The following CTXND1 variants were observed in gnomAD, a reference collection of about 807,000 sequenced individuals.
CTXND1 encodes cortexin domain-containing 1 protein.
At chr15:80,244,965 C>T (rs377417926) in intron 1 of CTXND1, among the ~76,000 whole-genome samples, 2 of 152,300 alleles carry the variant, frequency 1.3e-5, no homozygotes, top group South Asian at 2.1e-4. Flanking sequence ...GCCCAAATCC[C>T]ATTTATCAGC....
chr15:80,207,786 G>A (rs1228948591), intron 1 of CTXND1, among the ~76,000 whole-genome samples: 1 of 152,186 alleles, frequency 6.6e-6, no homozygotes, highest in Admixed American at 6.5e-5. Flanking sequence ...TTGTAAACAA[G>A]GCTGTGTCTA....
Position 80,205,739 on chromosome 15 carries a change from A to G in CTXND1, c.-217-1999T>C, listed in dbSNP as rs149912516. Among the ~76,000 whole-genome samples the G allele has an allele frequency of 1.4e-4, 22 of 152,128 alleles. No homozygotes were observed. The East Asian group carries it at 4.0e-3, about 28-fold the overall frequency. On this transcript the variant is annotated intron_variant, in intron 1 of 2. Coordinates refer to ENST00000560778, the MANE Select transcript of CTXND1 (RefSeq NM_001352888.2). ...TCCAACTTTTCCACATTCTTTCCCT[A>G]GTCTATAAACCCCCAATTTTAGTCA...
intron 1 of CTXND1, among the ~76,000 whole-genome samples, chr15:80,210,531 C>A (rs532064337): frequency 2.6e-5 from 4 of 152,096 alleles, no homozygotes; most frequent in African/African-American, 9.7e-5. Context: ...CACCTTGTTC[C>A]CCTGGACCTG....
intron 1 of CTXND1, among the ~76,000 whole-genome samples, chr15:80,247,848 G>C (rs981399933): frequency 6.6e-6 from 1 of 152,152 alleles, no homozygotes; most frequent in African/African-American, 2.4e-5. Flanking sequence ...CAGGGAAAGG[G>C]AACATGCTTT....
At chr15:80,246,212 C>A (rs905031371) in intron 1 of CTXND1, among the ~76,000 whole-genome samples, 3 of 152,136 alleles carry the variant, frequency 2.0e-5, no homozygotes, top group African/African-American at 7.2e-5. Context: ...TCTTTGTCTT[C>A]CAAAGAAGCA....
intron 1 of CTXND1, among the ~76,000 whole-genome samples, chr15:80,220,134 CTATCTATCTATCATCT>C (rs1212517501): frequency 4.0e-3 from 451 of 112,210 alleles, no homozygotes; most frequent in East Asian, 0.012. Flanking sequence ...ATCTATCTAT[CTATCTATCTATCATCT>C]ATCTATCTAT....
At chr15:80,229,549 G>A (rs992729524) in intron 1 of CTXND1, among the ~76,000 whole-genome samples, 33 of 152,122 alleles carry the variant, frequency 2.2e-4, no homozygotes, top group African/African-American at 7.7e-4. Context: ...GCAAATTCAC[G>A]CCCTGGCCAC....
At chr15:80,240,052 G>A (rs776402187) in intron 1 of CTXND1, among the ~76,000 whole-genome samples, 3 of 152,126 alleles carry the variant, frequency 2.0e-5, no homozygotes, top group Non-Finnish European at 2.9e-5. Context: ...CGCAACCTCC[G>A]TCTCCCAGGT....
chr15:80,246,119 C>T (rs1893625742), intron 1 of CTXND1, among the ~76,000 whole-genome samples: 2 of 151,998 alleles, frequency 1.3e-5, no homozygotes, highest in African/African-American at 4.8e-5. Context: ...AAAACATTTT[C>T]CTCCCAAAAA....
At chr15:80,247,461 T>C (rs1292679955) in intron 1 of CTXND1, among the ~76,000 whole-genome samples, 2 of 151,906 alleles carry the variant, frequency 1.3e-5, no homozygotes, top group African/African-American at 2.4e-5. Flanking sequence ...AGATGAAGAA[T>C]GCCTCTTCTG....
intron 1 of CTXND1, among the ~76,000 whole-genome samples, chr15:80,249,467 C>T (rs1893670382): frequency 6.6e-6 from 1 of 152,140 alleles, no homozygotes; most frequent in Admixed American, 6.5e-5. Context: ...TCATTAATTT[C>T]CTTGTCAGGA....
At chr15:80,237,292 G>A (rs1448081588) in intron 1 of CTXND1, among the ~76,000 whole-genome samples, 1 of 144,520 alleles carries the variant, frequency 6.9e-6, no homozygotes, top group Non-Finnish European at 1.5e-5. Context: ...CCAAGATCGC[G>A]CCACTGCACT....
intron 1 of CTXND1, among the ~76,000 whole-genome samples, chr15:80,250,457 A>T (rs1180215300): frequency 6.6e-6 from 1 of 152,182 alleles, no homozygotes; most frequent in Non-Finnish European, 1.5e-5. Context: ...AATTTTCCAC[A>T]TGTATTTGGG....
chr15:80,237,433 G>T (rs996538188), intron 1 of CTXND1, among the ~76,000 whole-genome samples: 2 of 151,600 alleles, frequency 1.3e-5, no homozygotes, highest in African/African-American at 4.8e-5. Flanking sequence ...AGCAGGTATT[G>T]TTATCTTAGG....
At chr15:80,221,733 T>C (rs1277979048) in intron 1 of CTXND1, among the ~76,000 whole-genome samples, 1 of 152,186 alleles carries the variant, frequency 6.6e-6, no homozygotes, top group Non-Finnish European at 1.5e-5. Context: ...AATAGAAAAA[T>C]AAATATTTTT....
chr15:80,197,132 T>C lies in CTXND1; in HGVS notation c.*4638A>G, dbSNP rs977431566. 1.3e-5 allele frequency: 2 copies of C among 152,178 alleles called. No homozygotes were observed. Among genetic ancestry groups the C allele is most frequent in the African/African-American group, 4.8e-5 (2 of 41,438 alleles). 9.4% of individuals were successfully genotyped at this position (152,178 alleles called of 1,614,324 possible). On this transcript the variant is annotated 3_prime_UTR_variant, in exon 3 of 3. Coordinates refer to ENST00000560778, the MANE Select transcript of CTXND1 (RefSeq NM_001352888.2). ...AGTGCAGTAGTGTGATCCTAGCTCATTGTAACCTCAAACTCCTGGACTCAA... is the reference window on the plus strand; with the variant it reads ...AGTGCAGTAGTGTGATCCTAGCTCACTGTAACCTCAAACTCCTGGACTCAA...
intron 1 of CTXND1, among the ~76,000 whole-genome samples, chr15:80,232,148 G>A (rs1233408926): frequency 6.6e-6 from 1 of 152,140 alleles, no homozygotes; most frequent in African/African-American, 2.4e-5. Context: ...TGCTGGCGAC[G>A]TGCAACTGAT....
intron 1 of CTXND1, among the ~76,000 whole-genome samples, chr15:80,220,332 C>T (rs1053420053): frequency 2.6e-5 from 4 of 152,156 alleles, no homozygotes; most frequent in Non-Finnish European, 5.9e-5. Flanking sequence ...TCTGTCTTCT[C>T]CCAGGGATTT....
chr15:80,215,144 G>A (rs1230028713), intron 1 of CTXND1, among the ~76,000 whole-genome samples: 1 of 152,154 alleles, frequency 6.6e-6, no homozygotes, highest in Non-Finnish European at 1.5e-5. Context: ...CCCAAGTTGG[G>A]CTCCAGTCCA....
Sources: gnomAD v4.1 joint callset for allele counts (sites outside exome capture counted in the v4.1 genomes callset) on GRCh38, gnomAD v4.1.1 for gene constraint, MANE v1.5 for transcripts, NCBI Gene and HGNC (gene_info 2026-07-23, HGNC 2026-07-21) for gene names.